Variants in ACTR3C observed in about 807,000 individuals in gnomAD.
The protein encoded by ACTR3C is actin-related protein 3C.
Under a neutral mutation model 26.3 loss-of-function variants are expected in ACTR3C, and 18 were observed. The observed-to-expected ratio is 0.68, with a 90% CI of 0.47 to 1.01. The LOEUF (loss-of-function observed/expected upper bound fraction) is 1.01. Among genes scored for constraint, ACTR3C ranks in the 50% least tolerant of loss-of-function variants. The probability of loss-of-function intolerance (pLI) is 0.00; values close to 1 mark genes in which losing one functional copy is unlikely to be tolerated. For missense variants in ACTR3C, 184 were observed against 250.7 expected (o/e 0.73, Z 1.80); for synonymous variants, 55 against 94.5 (o/e 0.58, Z 2.42).
At chr7:150,012,317 C>CTTGTTTTTTTTTT in the ACTR3C span, among the ~76,000 whole-genome samples, 2 of 131,258 alleles carry the variant, frequency 1.5e-5, no homozygotes, top group Non-Finnish European at 3.2e-5. Context: ...ATAAATGCAT[C>CTTGTTTTTTTTTT]TTTTTTTTTT....
chr7:150,035,107 A>G, the ACTR3C span, among the ~76,000 whole-genome samples: 145 of 135,454 alleles, frequency 1.1e-3, 6 homozygotes, highest in Admixed American at 5.0e-3. Flanking sequence ...CCTAAAACCC[A>G]CAGTCCTCCA....
the ACTR3C span, among the ~76,000 whole-genome samples, chr7:150,036,531 C>T: frequency 3.4e-5 from 5 of 145,122 alleles, no homozygotes; most frequent in Non-Finnish European, 7.8e-5. Flanking sequence ...TTGTTGGGAT[C>T]CCCATTTCAA....
the ACTR3C span, among the ~76,000 whole-genome samples, chr7:150,054,577 A>G: frequency 6.6e-6 from 1 of 152,360 alleles, no homozygotes; most frequent in Admixed American, 6.5e-5. Flanking sequence ...TAAGCCAGAT[A>G]ATTGGGGAGC....
At chr7:150,022,885 A>G in the ACTR3C span, among the ~76,000 whole-genome samples, 2 of 151,438 alleles carry the variant, frequency 1.3e-5, no homozygotes, top group Non-Finnish European at 2.9e-5. Flanking sequence ...AGTGCCATCT[A>G]GTTAGACAGA....
chr7:149,899,965 C>CCA, the ACTR3C span, among the ~76,000 whole-genome samples: 92 of 137,902 alleles, frequency 6.7e-4, 1 homozygote, highest in African/African-American at 2.4e-3. Context: ...ACACACACAC[C>CCA]AAAAAAAAAG....
intron 3 of ACTR3C, 21 bp from the exon 4 acceptor site, chr7:150,289,614 G>C: frequency 6.4e-7 from 1 of 1,563,976 alleles, no homozygotes; most frequent in Non-Finnish European, 8.7e-7. Flanking sequence ...AGAGGAGGCA[G>C]AACAGCTGTG....
chr7:149,954,061 T>C, the ACTR3C span, among the ~76,000 whole-genome samples: 1 of 143,104 alleles, frequency 7.0e-6, no homozygotes, highest in Admixed American at 7.2e-5. Context: ...TACGCTGAAG[T>C]TTTTATGTAA....
At chr7:150,242,003 G>T (rs1455397430), downstream of ACTR3C, among the ~76,000 whole-genome samples, 1 of 152,122 alleles carries the variant, frequency 6.6e-6, no homozygotes, top group Non-Finnish European at 1.5e-5. Flanking sequence ...GGATCACAAG[G>T]TCAGGAGTTC....
the ACTR3C span, among the ~76,000 whole-genome samples, chr7:150,024,109 C>T: frequency 3.3e-5 from 5 of 150,932 alleles, no homozygotes; most frequent in African/African-American, 7.3e-5. Context: ...ACGATCCCAG[C>T]GTCACAGACC....
the ACTR3C span, among the ~76,000 whole-genome samples, chr7:150,045,440 GCAGA>G: frequency 6.6e-6 from 1 of 152,186 alleles, no homozygotes; most frequent in Non-Finnish European, 1.5e-5. Context: ...AATGCATTTT[GCAGA>G]TGTGTGCCGG....
At chr7:150,251,161 T>C (rs550642511) in intron 6 of ACTR3C, among the ~76,000 whole-genome samples, 3 of 152,218 alleles carry the variant, frequency 2.0e-5, no homozygotes, top group Admixed American at 2.0e-4. Context: ...CAGATCAGCA[T>C]CAGATCTAGA....
chr7:149,974,645 C>T, the ACTR3C span, among the ~76,000 whole-genome samples: 2 of 152,290 alleles, frequency 1.3e-5, no homozygotes, highest in African/African-American at 4.8e-5. Flanking sequence ...ATTCCTCATC[C>T]TTATTTTATA....
chr7:150,087,750 G>A, the ACTR3C span, among the ~76,000 whole-genome samples: 1 of 152,206 alleles, frequency 6.6e-6, no homozygotes, highest in Admixed American at 6.5e-5. Context: ...CAGCCAGTAA[G>A]TAAACTGCCT....
chr7:150,028,020 C>T, the ACTR3C span, among the ~76,000 whole-genome samples: 2 of 152,252 alleles, frequency 1.3e-5, no homozygotes, highest in African/African-American at 4.8e-5. Context: ...AAATTAAAAA[C>T]TTTAATAAAA....
the ACTR3C span, among the ~76,000 whole-genome samples, chr7:150,035,234 C>A: frequency 9.4e-6 from 1 of 106,272 alleles, no homozygotes; most frequent in African/African-American, 3.8e-5. Flanking sequence ...CATGGGGGTC[C>A]TAAGAGCCAG....
the ACTR3C span, among the ~76,000 whole-genome samples, chr7:150,039,388 A>AC: frequency 7.4e-3 from 298 of 40,420 alleles, 1 homozygote; most frequent in South Asian, 0.046. Flanking sequence ...GGTCCTAAGA[A>AC]CCCGGGGGGG....
the ACTR3C span, among the ~76,000 whole-genome samples, chr7:149,929,140 C>A: frequency 2.6e-5 from 4 of 152,140 alleles, no homozygotes; most frequent in Non-Finnish European, 5.9e-5. Flanking sequence ...GCAAGAATCA[C>A]CAATGGACCA....
chr7:149,913,891 T>C, the ACTR3C span, among the ~76,000 whole-genome samples: 14 of 145,058 alleles, frequency 9.7e-5, no homozygotes, highest in Non-Finnish European at 2.1e-4. Flanking sequence ...TGTCCCTTTT[T>C]TTTTTTTTTT....
At chr7:150,061,147 C>T in the ACTR3C span, among the ~76,000 whole-genome samples, 1,803 of 63,552 alleles carry the variant, frequency 0.028, 38 homozygotes, top group African/African-American at 0.085. Flanking sequence ...AAAAAACAAG[C>T]ATTACTGGGC....
Sources: allele counts gnomAD v4.1 joint callset (sites outside exome capture counted in the v4.1 genomes callset), GRCh38; gene constraint gnomAD v4.1.1; transcripts MANE v1.5; gene names NCBI Gene and HGNC (gene_info 2026-07-23, HGNC 2026-07-21).